Variants in FAM9B observed in about 807,000 individuals in gnomAD.
FAM9B encodes protein FAM9B.
FAM9B carries 18 observed loss-of-function variants against 16.6 expected under a neutral mutation model. The observed-to-expected ratio is 1.09, with a 90% CI of 0.75 to 1.61. The LOEUF (loss-of-function observed/expected upper bound fraction) is 1.61, where lower values mean the gene tolerates loss of function less well. FAM9B is among the 40% of genes most tolerant of loss of function. The pLI is 0.00. For missense variants in FAM9B, 155 were observed against 136.0 expected (o/e 1.14, Z -0.70); for synonymous variants, 43 against 42.6 (o/e 1.01, Z -0.03).
chrX:9,025,705 C>T, intron 7 of FAM9B, 122 bp from the exon 8 acceptor site: 1 of 514,552 alleles, frequency 1.9e-6, no homozygotes, highest in Non-Finnish European at 3.1e-6. Flanking sequence ...TTATTCATTT[C>T]AAATAGAAAA....
intron 2 of FAM9B, 93 bp from the exon 3 acceptor site, chrX:9,032,554 G>GGT: frequency 7.8e-6 from 1 of 127,610 alleles, no homozygotes; most frequent in East Asian, 5.7e-4. Flanking sequence ...AGACTTTTTT[G>GGT]GGGGGGGGGG....
intron 2 of FAM9B, 85 bp from the exon 3 acceptor site, chrX:9,032,546 A>T: frequency 3.7e-6 from 1 of 271,399 alleles, no homozygotes; most frequent in Non-Finnish European, 6.0e-6. Flanking sequence ...CTAGTTGTAG[A>T]CTTTTTTGGG....
rs748974724 is a variant in FAM9B, at chrX:9,033,084, C to T, written c.-89-9G>A. 5.0e-5 allele frequency: 60 copies of T among 1,204,407 alleles called. No homozygotes were observed. The highest frequency in any genetic ancestry group is 6.2e-5 in the Non-Finnish European group (55 of 891,904). ...AGAGGCGATCCCCGAACCTGGTGAGCGCAAAGACACACTAAGGAAGCTAAG... is the reference window on the plus strand; with the variant it reads ...AGAGGCGATCCCCGAACCTGGTGAGTGCAAAGACACACTAAGGAAGCTAAG... On this transcript the variant is annotated splice_polypyrimidine_tract_variant and intron_variant, in intron 1 of 8. Transcript: ENST00000327220.
chrX:9,032,039 G>T, intron 4 of FAM9B, 91 bp downstream of exon 4: 11 of 813,422 alleles, frequency 1.4e-5, no homozygotes, highest in Non-Finnish European at 2.0e-5. Context: ...ATTTAAGACA[G>T]TCTTGTCGTC....
rs1377274399 is a variant in FAM9B at position 9,027,435 on chromosome X, A to G, written c.492+433T>C. 4.5e-5 allele frequency among the ~76,000 whole-genome samples: 5 copies of G among 111,422 alleles called. No homozygotes were observed. In the Admixed American group the frequency reaches 4.8e-4, roughly 11 times the overall value. On this transcript the variant is annotated intron_variant, in intron 7 of 8. Coordinates refer to ENST00000327220, the MANE Select transcript of FAM9B (RefSeq NM_205849.3). ...TTGATGTCCTGAAAACTGAAAATAA[A>G]ATCTTCATTAAAACCCATTTATGCC...
intron 1 of FAM9B, chrX:9,033,478 C>T (rs1387767817): frequency 3.8e-6 from 2 of 523,199 alleles, no homozygotes; most frequent in Non-Finnish European, 4.7e-6. Flanking sequence ...CAGGGGACCC[C>T]CGGTGACCCC....
In FAM9B at chrX:9,032,209, G is replaced by A. The variant is rs746386612; in HGVS notation, c.150-48C>T. The A allele has an allele frequency of 9.1e-5, 108 of 1,192,828 alleles. No individual in the cohort carries two copies. In the South Asian group the frequency reaches 2.0e-3, roughly 22 times the overall value. On this transcript the variant is annotated intron_variant, in intron 3 of 8. Transcript: ENST00000327220. ...ATTTTAACAAAATACTACACAAAAT[G>A]CCATGTTTGTTGGGAAAAGAAATGT...
Position 9,033,248 on chromosome X carries a change from C to T in FAM9B, c.-89-173G>A, listed in dbSNP as rs1211129666. On this transcript the variant is annotated intron_variant, in intron 1 of 8. Transcript: ENST00000327220. ...CCCTCCTGTCCTGGCCCGTCCAGCC[C>T]GTCCCCGGGGCTGGCTGCAAAGCTC... The T allele has an allele frequency of 6.4e-6, 7 of 1,092,738 alleles. No homozygotes were observed. The African/African-American group carries it at 7.5e-5, about 12-fold the overall frequency. The allele number at this position is 1,092,738 out of a possible 1,213,427, so 90.1% of individuals were successfully genotyped here. A position where few individuals can be genotyped will look rare whatever the true frequency, so the allele number is the denominator to read the frequency against.
intron 7 of FAM9B, among the ~76,000 whole-genome samples, chrX:9,026,871 T>C (rs1602135774): frequency 9.0e-6 from 1 of 111,723 alleles, no homozygotes; most frequent in East Asian, 2.8e-4. Context: ...ACTTGTAACT[T>C]CTATTTAAAT....
intron 4 of FAM9B, chrX:9,031,005 G>GT (rs1223439000): frequency 8.9e-6 from 1 of 111,885 alleles, no homozygotes; most frequent in Non-Finnish European, 1.9e-5. Context: ...TCAGAAAACT[G>GT]TAATACTGCA....
intron 6 of FAM9B, 78 bp downstream of exon 6, chrX:9,029,229 G>A (rs1405308280): frequency 4.7e-6 from 4 of 852,670 alleles, no homozygotes; most frequent in Non-Finnish European, 5.1e-6. Context: ...TTCCTTCTTT[G>A]CTGGATTTCT....
chrX:9,029,411 G>T lies in FAM9B; in HGVS notation c.289C>A (p.Arg97Ser). 1 of 1,177,153 alleles carries T rather than the reference G, an allele frequency of 8.5e-7. No individual in the cohort carries two copies. Among genetic ancestry groups the T allele is most frequent in the Non-Finnish European group, 1.2e-6 (1 of 864,876 alleles). ...LRKKQLKRQK[R>S]DYIHSLKLLN... The stretch of plus-strand genomic sequence containing the variant: ...AACTTCAGAGAATGTATATAATCAC[G>T]TTTCTGCCTGTAACACATAATAAGT... Residue 97 changes from arginine (R) to serine (S), a missense_variant, in exon 6 of 9, where the codon CGT becomes AGT. Transcript: ENST00000327220.
At chrX:9,030,435 G>A in intron 4 of FAM9B, 75 bp from the exon 5 acceptor site, 1 of 724,636 alleles carries the variant, frequency 1.4e-6, no homozygotes, top group African/African-American at 2.1e-5. Context: ...TGCATATACT[G>A]ACATCAATAT....
intron 3 of FAM9B, 56 bp from the exon 4 acceptor site, chrX:9,032,217 TG>T (rs1921096069): frequency 1.7e-6 from 2 of 1,197,243 alleles, no homozygotes; most frequent in Middle Eastern, 4.7e-4. Context: ...ATGCCATGTT[TG>T]TTGGGAAAAG....
chrX:9,032,309 T>G (rs768136875), intron 3 of FAM9B, 32 bp downstream of exon 3: 5 of 1,210,225 alleles, frequency 4.1e-6, no homozygotes, highest in Non-Finnish European at 5.6e-6. Flanking sequence ...AAAGACCCTA[T>G]CCGACAGGCA....
Position 9,024,259 on chromosome X carries a change from T to C in FAM9B, c.*1150A>G, listed in dbSNP as rs1377382709. On this transcript the variant is annotated 3_prime_UTR_variant, in exon 9 of 9. Transcript: ENST00000327220. ...TCATTCAAGTTTTTAGATGTCCATA[T>C]AAACTTCCACATAATCCACGAATAT... 9.0e-6 allele frequency: 1 copy of C among 111,525 alleles called. No homozygotes were observed. The highest frequency in any genetic ancestry group is 2.8e-4 in the East Asian group (1 of 3,563). 9.2% of individuals were successfully genotyped at this position (111,525 alleles called of 1,213,427 possible). A position where few individuals can be genotyped will look rare whatever the true frequency, so the allele number is the denominator to read the frequency against.
intron 5 of FAM9B, 32 bp downstream of exon 5, chrX:9,030,229 A>C (rs773926307): frequency 8.5e-7 from 1 of 1,172,387 alleles, no homozygotes; most frequent in Non-Finnish European, 1.1e-6. Context: ...AATGATATAA[A>C]TATCATTATG....
chrX:9,025,851 C>G (rs1283131949), intron 7 of FAM9B, among the ~76,000 whole-genome samples: 3 of 111,359 alleles, frequency 2.7e-5, no homozygotes, highest in Non-Finnish European at 5.6e-5. Flanking sequence ...ATCTTAAGGT[C>G]AAGATGGAGC....
intron 7 of FAM9B, 134 bp from the exon 8 acceptor site, chrX:9,025,717 A>G (rs1370502722): frequency 4.3e-6 from 2 of 469,026 alleles, no homozygotes; most frequent in African/African-American, 2.4e-5. Context: ...AATAGAAAAA[A>G]CTATAATCAA....
Sources: gnomAD v4.1 joint callset for allele counts (sites outside exome capture counted in the v4.1 genomes callset) on GRCh38, gnomAD v4.1.1 for gene constraint, MANE v1.5 for transcripts, NCBI Gene and HGNC (gene_info 2026-07-23, HGNC 2026-07-21) for gene names.